The following MAP3K7 variants were observed in gnomAD, a reference collection of about 807,000 sequenced individuals.
The protein encoded by MAP3K7 is TGF-beta activated kinase 1.
In MAP3K7, 21 loss-of-function variants were observed where a neutral mutation model predicts 84.8. The ratio of observed to expected loss-of-function variants is 0.25; its 90% CI spans 0.18 to 0.36. The LOEUF is 0.36. Among genes scored for constraint, MAP3K7 ranks in the 10% least tolerant of loss-of-function variants. MAP3K7 has a pLI of 1.00. For missense variants in MAP3K7, 503 were observed against 747.7 expected (o/e 0.67, Z 3.82); for synonymous variants, 241 against 247.7 (o/e 0.97, Z 0.25).
intron 9 of MAP3K7, among the ~76,000 whole-genome samples, chr6:90,549,890 C>T (rs904273194): frequency 1.3e-5 from 2 of 152,134 alleles, no homozygotes; most frequent in African/African-American, 4.8e-5. Context: ...CATATAGACA[C>T]ACACATATCT....
rs189210101 is a variant in MAP3K7, at chr6:90,561,520, C to T, written c.343+102G>A. On this transcript the variant is annotated intron_variant, in intron 4 of 16. Transcript: ENST00000369329. ...TTAAAAATTATGCCCTTTTGGGACT[C>T]TGACGGCAAATTGTGAAGAATGTTA... 3 of 814,406 alleles carry T rather than the reference C, an allele frequency of 3.7e-6. No individual in the cohort carries two copies. The Admixed American group carries it at 7.2e-5, about 20-fold the overall frequency. 50.4% of individuals were successfully genotyped at this position (814,406 alleles called of 1,614,324 possible).
At chr6:90,560,638 G>C (rs1776481481) in intron 4 of MAP3K7, among the ~76,000 whole-genome samples, 1 of 152,158 alleles carries the variant, frequency 6.6e-6, no homozygotes, top group Non-Finnish European at 1.5e-5. Context: ...GGGATTACAG[G>C]AGTGAGCCAC....
chr6:90,548,649 A>G (rs1776080462), intron 9 of MAP3K7, among the ~76,000 whole-genome samples: 1 of 152,084 alleles, frequency 6.6e-6, no homozygotes, highest in Non-Finnish European at 1.5e-5. Context: ...GAGGTTACCA[A>G]GGAAATGAGT....
intron 15 of MAP3K7, 79 bp downstream of exon 15, chr6:90,519,179 G>T: frequency 1.1e-6 from 1 of 885,816 alleles, no homozygotes. Flanking sequence ...ACTATACAAT[G>T]ACAGGTAGCA....
intron 13 of MAP3K7, among the ~76,000 whole-genome samples, chr6:90,532,090 T>G (rs1197520428): frequency 6.6e-6 from 1 of 152,056 alleles, no homozygotes; most frequent in African/African-American, 2.4e-5. Flanking sequence ...CAAAAGGAGG[T>G]GCAGAATGAA....
chr6:90,561,592 C>T (rs1776516730), intron 4 of MAP3K7, 30 bp downstream of exon 4: 3 of 1,531,794 alleles, frequency 2.0e-6, no homozygotes, highest in South Asian at 2.4e-5. Flanking sequence ...TTTTAATCCA[C>T]TAGATAAAGA....
intron 1 of MAP3K7, among the ~76,000 whole-genome samples, chr6:90,582,059 T>C (rs1411012586): frequency 2.0e-5 from 3 of 152,234 alleles, no homozygotes; most frequent in Non-Finnish European, 4.4e-5. Flanking sequence ...GTCAGCATTA[T>C]GGGTCTCCCT....
At chr6:90,576,658 A>T (rs1167379880) in intron 1 of MAP3K7, among the ~76,000 whole-genome samples, 1 of 152,144 alleles carries the variant, frequency 6.6e-6, no homozygotes, top group Non-Finnish European at 1.5e-5. Flanking sequence ...AGACAAATAA[A>T]AAGGAAGGGA....
At chr6:90,527,791 T>A (rs77636118) in intron 13 of MAP3K7, among the ~76,000 whole-genome samples, 10,714 of 152,054 alleles carry the variant, frequency 0.07, 376 homozygotes, top group South Asian at 0.091. Context: ...TTATATACAT[T>A]CTTGTCTACA....
chr6:90,563,370 A>C (rs1170762667), intron 3 of MAP3K7, among the ~76,000 whole-genome samples: 2 of 152,198 alleles, frequency 1.3e-5, no homozygotes, highest in East Asian at 3.9e-4. Flanking sequence ...AGCATAGAGA[A>C]GACCTTAAAT....
At chr6:90,554,530 T>C (rs139667833) in intron 6 of MAP3K7, among the ~76,000 whole-genome samples, 2 of 152,182 alleles carry the variant, frequency 1.3e-5, no homozygotes. Context: ...TAGCTTTACA[T>C]GCTAAGCAGT....
At position 90,550,454 on chromosome 6, in the gene MAP3K7, A is replaced by G. The variant is rs1310919327; in HGVS notation, c.949+14T>C. On this transcript the variant is annotated intron_variant, in intron 9 of 16. Transcript: ENST00000369329. ...GAAAAATCAAGTCAATACTCTTCCA[A>G]TCTATCCATTTACCTGTACTGGTGG... 3 of 1,559,770 alleles carry G rather than the reference A, an allele frequency of 1.9e-6. No individual in the cohort carries two copies. Among genetic ancestry groups the G allele is most frequent in the South Asian group, 2.3e-5 (2 of 88,112 alleles).
At position 90,584,972 on chromosome 6, in the gene MAP3K7, CTT is replaced by C. The variant is rs1264427269; in HGVS notation, c.120+1790_120+1791del. On this transcript the variant is annotated intron_variant, in intron 1 of 16. Transcript: ENST00000369329. ...AAAGAAACTAAAAACATTTCCCCCT[CTT>C]TTCAAAATACAGGTCTTCTTTTAGC... Among the ~76,000 whole-genome samples, 3 of 152,252 alleles carry C rather than the reference CTT, an allele frequency of 2.0e-5. No homozygotes were observed. In the East Asian group the frequency reaches 5.8e-4, roughly 29 times the overall value.
intron 13 of MAP3K7, among the ~76,000 whole-genome samples, chr6:90,531,645 T>C (rs1009930080): frequency 3.3e-5 from 5 of 152,116 alleles, no homozygotes; most frequent in African/African-American, 9.7e-5. Flanking sequence ...TCTTCTACAA[T>C]AGAAAGGTGT....
intron 13 of MAP3K7, among the ~76,000 whole-genome samples, chr6:90,526,131 C>T (rs1775314392): frequency 2.0e-5 from 3 of 152,162 alleles, no homozygotes; most frequent in Non-Finnish European, 4.4e-5. Flanking sequence ...GTGTGAGCAA[C>T]TGTGCCCAGC....
chr6:90,573,225 A>T (rs1776962732), intron 1 of MAP3K7, among the ~76,000 whole-genome samples: 1 of 152,196 alleles, frequency 6.6e-6, no homozygotes, highest in African/African-American at 2.4e-5. Flanking sequence ...ACCAGTCCTA[A>T]TTTGTAACAT....
intron 1 of MAP3K7, among the ~76,000 whole-genome samples, chr6:90,576,414 C>T (rs1007085886): frequency 1.6e-5 from 2 of 127,826 alleles, no homozygotes; most frequent in African/African-American, 6.0e-5. Flanking sequence ...CAGAGCTAGA[C>T]TCTGTCACAC....
intron 13 of MAP3K7, among the ~76,000 whole-genome samples, chr6:90,531,981 G>GT (rs951490531): frequency 5.3e-5 from 8 of 150,350 alleles, no homozygotes; most frequent in African/African-American, 2.0e-4. Flanking sequence ...AAGAAGAAAC[G>GT]TGTCTATTCT....
intron 16 of MAP3K7, among the ~76,000 whole-genome samples, chr6:90,517,303 C>G (rs531863959): frequency 1.3e-5 from 2 of 151,924 alleles, no homozygotes; most frequent in East Asian, 3.9e-4. Context: ...TATTTGGGAA[C>G]TATTAAGTAT....
Sources: gnomAD v4.1 joint callset for allele counts (sites outside exome capture counted in the v4.1 genomes callset) on GRCh38, gnomAD v4.1.1 for gene constraint, MANE v1.5 for transcripts, NCBI Gene and HGNC (gene_info 2026-07-23, HGNC 2026-07-21) for gene names.